The following LSAMP variants were observed in gnomAD, a reference collection of about 807,000 sequenced individuals.
LSAMP encodes the protein limbic system associated membrane protein.
A neutral mutation model predicts 38.6 loss-of-function variants in LSAMP; 7 were observed. The ratio of observed to expected loss-of-function variants is 0.18; its 90% CI spans 0.10 to 0.34. LSAMP has a LOEUF of 0.34. Ranked by LOEUF, LSAMP falls within the 10% of genes least tolerant of loss-of-function variation. The pLI, the probability that LSAMP is intolerant of heterozygous loss-of-function variation, is 1.00. For missense variants in LSAMP, 313 were observed against 420.0 expected (o/e 0.75, Z 2.23); for synonymous variants, 154 against 166.8 (o/e 0.92, Z 0.59).
At chr3:116,115,865 T>A (rs1708730826) in intron 1 of LSAMP, among the ~76,000 whole-genome samples, 1 of 152,006 alleles carries the variant, frequency 6.6e-6, no homozygotes, top group Non-Finnish European at 1.5e-5. Context: ...CCTACTTGGA[T>A]TTTTCTTGGT....
intron 3 of LSAMP, among the ~76,000 whole-genome samples, chr3:115,929,849 C>G (rs1274230351): frequency 1.3e-5 from 2 of 152,060 alleles, no homozygotes; most frequent in Non-Finnish European, 2.9e-5. Context: ...TCTTGGAGTT[C>G]TACTCTTTGT....
At chr3:116,233,369 T>C (rs559983337) in intron 1 of LSAMP, among the ~76,000 whole-genome samples, 11 of 121,998 alleles carry the variant, frequency 9.0e-5, no homozygotes, top group Admixed American at 2.3e-4. Flanking sequence ...GCTGAGATCG[T>C]GCCACTGCAC....
At chr3:116,105,070 C>T (rs1352764555) in intron 1 of LSAMP, among the ~76,000 whole-genome samples, 1 of 151,940 alleles carries the variant, frequency 6.6e-6, no homozygotes, top group African/African-American at 2.4e-5. Context: ...GCCAGCTATA[C>T]TCTAAAAGAT....
chr3:115,856,447 G>A (rs34456928), intron 3 of LSAMP, among the ~76,000 whole-genome samples: 22,034 of 151,924 alleles, frequency 0.15, 2,026 homozygotes, highest in Middle Eastern at 0.23. Context: ...GTGAAACCCC[G>A]TTTCTACTAA....
At chr3:115,988,934 G>A (rs1939588856) in intron 3 of LSAMP, among the ~76,000 whole-genome samples, 1 of 152,062 alleles carries the variant, frequency 6.6e-6, no homozygotes, top group African/African-American at 2.4e-5. Flanking sequence ...TCTCGAGGAT[G>A]TTTTGACTCC....
chr3:116,009,563 C>G (rs1018893013), intron 3 of LSAMP, among the ~76,000 whole-genome samples: 1 of 152,100 alleles, frequency 6.6e-6, no homozygotes, highest in Non-Finnish European at 1.5e-5. Context: ...TGTTCAATAC[C>G]TTTGCTTCTG....
intron 2 of LSAMP, among the ~76,000 whole-genome samples, chr3:116,020,399 T>G (rs1316320527): frequency 6.6e-6 from 1 of 152,208 alleles, no homozygotes; most frequent in Non-Finnish European, 1.5e-5. Context: ...CTTCAATAAC[T>G]TCTTACAATA....
chr3:115,822,421 C>T (rs1308081367), intron 6 of LSAMP, among the ~76,000 whole-genome samples: 1 of 150,122 alleles, frequency 6.7e-6, no homozygotes, highest in Non-Finnish European at 1.5e-5. Context: ...AGTGCAATGG[C>T]CCGATCTCGG....
chr3:116,235,699 C>T (rs2046458660), intron 1 of LSAMP, among the ~76,000 whole-genome samples: 1 of 152,096 alleles, frequency 6.6e-6, no homozygotes, highest in Admixed American at 6.5e-5. Context: ...TTGCAAAAAG[C>T]ATATTTTTCT....
At chr3:116,245,661 T>C (rs1309824780) in intron 1 of LSAMP, among the ~76,000 whole-genome samples, 1 of 152,218 alleles carries the variant, frequency 6.6e-6, no homozygotes, top group Non-Finnish European at 1.5e-5. Flanking sequence ...GGAGAAATTA[T>C]AAATTATTTT....
intron 1 of LSAMP, 147 bp downstream of exon 1, chr3:116,444,730 C>CCA (rs1315887827): frequency 4.3e-4 from 407 of 940,776 alleles, no homozygotes; most frequent in Non-Finnish European, 5.3e-4. Flanking sequence ...CACACACACA[C>CCA]CACACACACA....
chr3:116,156,960 T>A (rs1014955236), intron 1 of LSAMP, among the ~76,000 whole-genome samples: 1 of 152,096 alleles, frequency 6.6e-6, no homozygotes, highest in Non-Finnish European at 1.5e-5. Flanking sequence ...TAACTTCATA[T>A]AAGGAAGGAT....
chr3:116,208,353 C>A (rs1229655449), intron 1 of LSAMP, among the ~76,000 whole-genome samples: 1 of 151,694 alleles, frequency 6.6e-6, no homozygotes, highest in East Asian at 2.0e-4. Flanking sequence ...TGAATGTCCT[C>A]CCGTAGCTCA....
rs1055190368 is a variant in LSAMP, at chr3:115,827,814, A to T, written c.919+14031T>A. ...TAGGAACACCTTAAATTGGAATTCC[A>T]AACTCATTATGCCATGCTGTGTTCT... On this transcript the variant is annotated intron_variant, in intron 6 of 6. Coordinates refer to ENST00000490035, the MANE Select transcript of LSAMP (RefSeq NM_002338.5). 7.2e-5 allele frequency among the ~76,000 whole-genome samples: 11 copies of T among 152,296 alleles called. No homozygotes were observed. The East Asian group carries it at 1.9e-3, about 27-fold the overall frequency.
chr3:116,269,111 CA>C (rs1175989052), intron 1 of LSAMP, among the ~76,000 whole-genome samples: 1 of 152,064 alleles, frequency 6.6e-6, no homozygotes, highest in Non-Finnish European at 1.5e-5. Context: ...CATCCCCTCC[CA>C]CACACCAAGC....
At chr3:115,915,942 C>T (rs1396068555) in intron 3 of LSAMP, among the ~76,000 whole-genome samples, 2 of 152,102 alleles carry the variant, frequency 1.3e-5, no homozygotes, top group Admixed American at 6.5e-5. Flanking sequence ...ACTATGCTGA[C>T]TTTGGCCTAG....
At chr3:115,911,974 G>A (rs1047141053) in intron 3 of LSAMP, among the ~76,000 whole-genome samples, 4 of 152,006 alleles carry the variant, frequency 2.6e-5, no homozygotes, top group Non-Finnish European at 2.9e-5. Flanking sequence ...ATATAACCTC[G>A]TCAGTGAAAT....
At chr3:116,270,977 C>T (rs1408685040) in intron 1 of LSAMP, among the ~76,000 whole-genome samples, 1 of 151,400 alleles carries the variant, frequency 6.6e-6, no homozygotes, top group Non-Finnish European at 1.5e-5. Context: ...GGGATTGGAA[C>T]AGATAGAGTA....
chr3:116,272,949 A>G (rs2046994133), intron 1 of LSAMP, among the ~76,000 whole-genome samples: 1 of 152,056 alleles, frequency 6.6e-6, no homozygotes, highest in South Asian at 2.1e-4. Context: ...CAGGTAAATT[A>G]TTTCTGGGGT....
Sources: allele counts gnomAD v4.1 joint callset (sites outside exome capture counted in the v4.1 genomes callset), GRCh38; gene constraint gnomAD v4.1.1; transcripts MANE v1.5; gene names NCBI Gene and HGNC (gene_info 2026-07-23, HGNC 2026-07-21).